SVIL: variants seen among roughly 807,000 people sequenced by gnomAD.
SVIL encodes supervillin.
Under a neutral mutation model 240.4 loss-of-function variants are expected in SVIL, and 101 were observed. The ratio of observed to expected loss-of-function variants is 0.42; its 90% CI spans 0.36 to 0.50. SVIL has a LOEUF of 0.50. Among genes scored for constraint, SVIL ranks in the 20% least tolerant of loss-of-function variants. The pLI, the probability that SVIL is intolerant of heterozygous loss-of-function variation, is 0.01. For missense variants in SVIL, 2,512 were observed against 2,818.7 expected, an observed-to-expected ratio of 0.89 and a Z score of 2.46; for synonymous variants, 999 against 1,100.0, an observed-to-expected ratio of 0.91 and a Z score of 1.82.
intron 1 of SVIL, among the ~76,000 whole-genome samples, chr10:29,628,759 T>G (rs377466721): frequency 6.6e-6 from 1 of 152,218 alleles, no homozygotes; most frequent in Non-Finnish European, 1.5e-5. Flanking sequence ...GAAATGGACA[T>G]GTTGAACAAT....
chr10:29,617,552 GC>G (rs1263038226), intron 1 of SVIL, among the ~76,000 whole-genome samples: 3 of 148,630 alleles, frequency 2.0e-5, no homozygotes, highest in African/African-American at 7.5e-5. Flanking sequence ...CTGCACTCCA[GC>G]CTGGGCGAAA....
At chr10:29,503,441 C>T (rs1358370069) in intron 17 of SVIL, among the ~76,000 whole-genome samples, 1 of 152,128 alleles carries the variant, frequency 6.6e-6, no homozygotes, top group Non-Finnish European at 1.5e-5. Flanking sequence ...ACAAACAGTC[C>T]ATTTAGACAG....
At position 29,487,245 on chromosome 10, in the gene SVIL, C is replaced by T; in HGVS notation, c.4403G>A (p.Ser1468Asn). 6.2e-7 allele frequency: 1 copy of T among 1,614,156 alleles called. No individual in the cohort carries two copies. Residue 1468 changes from serine (S) to asparagine (N), a missense_variant, in exon 24 of 38, where the codon AGT (serine) becomes AAT (asparagine). This residue lies in a region of SVIL where 272 missense variants were observed against 406.8 expected (regional missense o/e 0.67). Coordinates refer to ENST00000355867, the MANE Select transcript of SVIL (RefSeq NM_021738.3). ...LVEPRASALNSGDCFLLLSPH... is the reference protein window; with the variant it reads ...LVEPRASALNNGDCFLLLSPH... ...AGAGAGCAGGAGGAAGCAGTCCCCA[C>T]TGTTGAGCGCCGAAGCTCGAGGTTC...
intron 1 of SVIL, among the ~76,000 whole-genome samples, chr10:29,592,679 G>A (rs2132809353): frequency 6.6e-6 from 1 of 152,276 alleles, no homozygotes; most frequent in Middle Eastern, 3.4e-3. Flanking sequence ...AAAAATCAAT[G>A]TTAAAACATG....
chr10:29,533,218 T>G lies in SVIL; in HGVS notation c.1149A>C (p.Glu383Asp), dbSNP rs755308749. The G allele has an allele frequency of 9.3e-6, 15 of 1,614,130 alleles. No homozygotes were observed. The highest frequency in any genetic ancestry group is 1.3e-5 in the Non-Finnish European group (15 of 1,180,010). Residue 383 changes from glutamate to aspartate, a missense_variant, in exon 8 of 38, where the codon GAA (glutamate) becomes GAC (aspartate). By Grantham distance (45) the Glu-to-Asp change is conservative. Around this residue, in one of 3 missense-constraint regions of SVIL, gnomAD observed 1,443 missense variants for 1,486.6 expected, o/e 0.97. Transcript: ENST00000355867. ...TGHTAKLVTP[E>D]TPENASECSW... ...TACACTCAGATGCATTTTCTGGGGTTTCTGGCGTCACTAGCTTGGCGGTGT... is the reference window on the plus strand; with the variant it reads ...TACACTCAGATGCATTTTCTGGGGTGTCTGGCGTCACTAGCTTGGCGGTGT...
chr10:29,552,179 T>C (rs1168710474), intron 5 of SVIL, among the ~76,000 whole-genome samples: 3 of 152,016 alleles, frequency 2.0e-5, no homozygotes, highest in African/African-American at 7.2e-5. Flanking sequence ...AACATTTTTA[T>C]ATATTCCTTC....
chr10:29,509,996 G>A (rs557447819), intron 17 of SVIL, among the ~76,000 whole-genome samples: 28 of 152,246 alleles, frequency 1.8e-4, no homozygotes, highest in African/African-American at 6.5e-4. Flanking sequence ...TCAACTTCCC[G>A]AGCTCAAGCG....
chr10:29,509,330 GGAGAGAGAGAGA>G lies in SVIL; in HGVS notation c.3516+3393_3516+3404del, dbSNP rs66616602. 6.6e-3 allele frequency among the ~76,000 whole-genome samples: 439 copies of G among 66,882 alleles called. 2 individuals are homozygous for G. Among genetic ancestry groups the G allele is most frequent in the Middle Eastern group, 0.026 (2 of 78 alleles). 43.9% of individuals were successfully genotyped at this position (66,882 alleles called of 152,430 possible). On this transcript the variant is annotated intron_variant, in intron 17 of 37. Transcript: ENST00000355867. ...GAGAGAAAGGGAGAAGGAGGGGGAG[GGAGAGAGAGAGA>G]GAGAGAGAGAGAGAGAGAGAGAGAG...
At chr10:29,535,866 G>C in intron 7 of SVIL, 123 bp downstream of exon 7, 1 of 934,178 alleles carries the variant, frequency 1.1e-6, no homozygotes, top group Non-Finnish European at 1.7e-6. Context: ...TAACTTCCAC[G>C]TGATTTTCAA....
chr10:29,459,743 T>C lies in SVIL; in HGVS notation c.6403-1154A>G, dbSNP rs530817726. Among the ~76,000 whole-genome samples, 3 of 152,310 alleles carry C rather than the reference T, an allele frequency of 2.0e-5. No individual in the cohort carries two copies. In the South Asian group the frequency reaches 6.2e-4, roughly 32 times the overall value. ...TGGGTGGGTGGATGGTGGGAATGCA[T>C]GACTAAGAGCTGTTGCTCATATTAG... On this transcript the variant is annotated intron_variant, in intron 36 of 37. Coordinates refer to ENST00000355867, the MANE Select transcript of SVIL (RefSeq NM_021738.3).
chr10:29,666,198 G>A (rs1175211197), intron 2 of SVIL, among the ~76,000 whole-genome samples: 3 of 152,158 alleles, frequency 2.0e-5, no homozygotes, highest in Non-Finnish European at 4.4e-5. Flanking sequence ...GATTACAAGC[G>A]TGAGCCACCG....
chr10:29,565,631 T>C (rs1348918788), intron 2 of SVIL, among the ~76,000 whole-genome samples: 1 of 152,060 alleles, frequency 6.6e-6, no homozygotes, highest in African/African-American at 2.4e-5. Flanking sequence ...ACACACCTCG[T>C]TAACCCCAGC....
At chr10:29,471,097 G>A in intron 31 of SVIL, 41 bp downstream of exon 31, 1 of 1,559,690 alleles carries the variant, frequency 6.4e-7, no homozygotes, top group Non-Finnish European at 8.8e-7. Context: ...TTCCAAGAGA[G>A]GGAAAGGCAA....
chr10:29,669,209 A>G (rs1047972666), intron 2 of SVIL, among the ~76,000 whole-genome samples: 8 of 152,110 alleles, frequency 5.3e-5, no homozygotes, highest in African/African-American at 1.9e-4. Flanking sequence ...GCCCCAGAAG[A>G]ATTGGGGAAG....
chr10:29,485,102 T>TG (rs1845371576), intron 26 of SVIL, among the ~76,000 whole-genome samples: 1 of 151,978 alleles, frequency 6.6e-6, no homozygotes, highest in Non-Finnish European at 1.5e-5. Flanking sequence ...GCTTACAACT[T>TG]GCGATTCACA....
intron 1 of SVIL, among the ~76,000 whole-genome samples, chr10:29,599,516 A>G (rs1255843748): frequency 6.6e-6 from 1 of 152,040 alleles, no homozygotes; most frequent in Non-Finnish European, 1.5e-5. Context: ...CCCGGGTTCA[A>G]GTGGTTCTTG....
intron 31 of SVIL, among the ~76,000 whole-genome samples, 157 bp from the exon 32 acceptor site, chr10:29,470,640 C>A (rs1945463714): frequency 6.6e-6 from 1 of 152,162 alleles, no homozygotes; most frequent in East Asian, 1.9e-4. Context: ...CACAGGGAGC[C>A]CTGTGGAGCA....
chr10:29,570,105 A>G (rs904388164), intron 1 of SVIL, among the ~76,000 whole-genome samples: 2 of 152,266 alleles, frequency 1.3e-5, no homozygotes, highest in Admixed American at 6.5e-5. Flanking sequence ...CCAAGGAAAA[A>G]TAAGTACAAA....
intron 18 of SVIL, among the ~76,000 whole-genome samples, chr10:29,498,772 A>C (rs1948651811): frequency 6.6e-6 from 1 of 152,072 alleles, no homozygotes; most frequent in South Asian, 2.1e-4. Flanking sequence ...CTTAAGCCCA[A>C]GAGTTTGAGA....
Sources: allele counts gnomAD v4.1 joint callset (sites outside exome capture counted in the v4.1 genomes callset), GRCh38; gene constraint gnomAD v4.1.1; regional missense constraint gnomAD v4.1.1; transcripts MANE v1.5; gene names NCBI Gene and HGNC (gene_info 2026-07-23, HGNC 2026-07-21).